Variants in TLL1 observed in about 807,000 individuals in gnomAD.
The protein encoded by TLL1 is tolloid like 1.
A neutral mutation model predicts 128.2 loss-of-function variants in TLL1; 49 were observed. That is an observed-to-expected ratio of 0.38 (90% confidence interval 0.30 to 0.48). The LOEUF is 0.48. TLL1 is among the 20% of genes least tolerant of loss of function. The pLI is 0.96. For synonymous variants in TLL1, 454 were observed against 418.8 expected, an observed-to-expected ratio of 1.08 and a Z score of -1.03; for missense variants, 1,123 against 1,242.0, an observed-to-expected ratio of 0.90 and a Z score of 1.44.
At chr4:165,939,186 A>G (rs1254482590) in intron 1 of TLL1, among the ~76,000 whole-genome samples, 1 of 151,628 alleles carries the variant, frequency 6.6e-6, no homozygotes, top group Non-Finnish European at 1.5e-5. Context: ...TTGATTGGTG[A>G]CCCTCAAGTT....
At chr4:165,912,164 G>T (rs1324015492) in intron 1 of TLL1, among the ~76,000 whole-genome samples, 2 of 152,128 alleles carry the variant, frequency 1.3e-5, no homozygotes, top group Admixed American at 1.3e-4. Flanking sequence ...ACATGGTGTT[G>T]TCCCTGGAGC....
At chr4:165,892,308 T>G (rs190557699) in intron 1 of TLL1, among the ~76,000 whole-genome samples, 2 of 152,342 alleles carry the variant, frequency 1.3e-5, no homozygotes, top group Admixed American at 1.3e-4. Context: ...AAATTTCCTC[T>G]AATAACTTTC....
chr4:166,030,008 A>C (rs148338714), intron 9 of TLL1, among the ~76,000 whole-genome samples: 1 of 152,216 alleles, frequency 6.6e-6, no homozygotes, highest in East Asian at 1.9e-4. Context: ...ATCTATCCAG[A>C]AGTGAGGTTG....
At chr4:165,977,245 G>A (rs112110149) in intron 1 of TLL1, among the ~76,000 whole-genome samples, 11,076 of 152,052 alleles carry the variant, frequency 0.073, 1,317 homozygotes, top group African/African-American at 0.25. Context: ...ATCATGGGGG[G>A]CAGTTTCCCC....
intron 1 of TLL1, among the ~76,000 whole-genome samples, chr4:165,948,275 G>C (rs1010684520): frequency 1.3e-5 from 2 of 152,068 alleles, no homozygotes; most frequent in Admixed American, 6.6e-5. Flanking sequence ...TAATTTCACA[G>C]GTCCACAGAT....
intron 3 of TLL1, among the ~76,000 whole-genome samples, chr4:165,993,498 A>G (rs1026123803): frequency 6.6e-6 from 1 of 151,870 alleles, no homozygotes; most frequent in Non-Finnish European, 1.5e-5. Context: ...TACTAATTAA[A>G]TGCTTGAAGT....
intron 16 of TLL1, among the ~76,000 whole-genome samples, chr4:166,068,215 A>G (rs1740660889): frequency 6.6e-6 from 1 of 151,794 alleles, no homozygotes; most frequent in Admixed American, 6.6e-5. Flanking sequence ...TTTGCCCAGG[A>G]AAAGGGAAGG....
chr4:165,877,697 C>T (rs1730776971), intron 1 of TLL1, among the ~76,000 whole-genome samples: 1 of 152,082 alleles, frequency 6.6e-6, no homozygotes, highest in East Asian at 1.9e-4. Context: ...ACATACCCTT[C>T]CTTCTCTTCT....
At chr4:166,063,551 T>C (rs949670411) in intron 15 of TLL1, among the ~76,000 whole-genome samples, 8 of 152,330 alleles carry the variant, frequency 5.3e-5, no homozygotes, top group East Asian at 1.9e-4. Context: ...CGTATGTTTA[T>C]TGTGGCACTA....
At chr4:165,963,436 C>A (rs1735214801) in intron 1 of TLL1, among the ~76,000 whole-genome samples, 1 of 152,076 alleles carries the variant, frequency 6.6e-6, no homozygotes, top group Non-Finnish European at 1.5e-5. Context: ...ATTATAGTTT[C>A]TTTTCATGAT....
chr4:165,918,490 C>A (rs1561027920), intron 1 of TLL1, among the ~76,000 whole-genome samples: 1 of 151,906 alleles, frequency 6.6e-6, no homozygotes, highest in African/African-American at 2.4e-5. Flanking sequence ...TGTGAGGGGT[C>A]CTGAATATTC....
intron 1 of TLL1, among the ~76,000 whole-genome samples, chr4:165,909,761 AT>A (rs1225938057): frequency 3.3e-5 from 5 of 152,170 alleles, no homozygotes. Flanking sequence ...AAACATTTTT[AT>A]TTATGGGATT....
chr4:165,890,158 G>A (rs556273522), intron 1 of TLL1, among the ~76,000 whole-genome samples: 5 of 152,200 alleles, frequency 3.3e-5, no homozygotes, highest in Admixed American at 1.3e-4. Flanking sequence ...AGAACAGCAC[G>A]GAGGTAACTG....
intron 1 of TLL1, among the ~76,000 whole-genome samples, chr4:165,975,130 G>A (rs1345934005): frequency 6.6e-6 from 1 of 152,154 alleles, no homozygotes; most frequent in Non-Finnish European, 1.5e-5. Flanking sequence ...TTAGATGCTG[G>A]CTACCCACAG....
intron 8 of TLL1, among the ~76,000 whole-genome samples, chr4:166,023,625 A>C (rs1560818255): frequency 6.6e-6 from 1 of 152,238 alleles, no homozygotes; most frequent in Non-Finnish European, 1.5e-5. Context: ...CATTTATTGA[A>C]GAAAATTCAC....
chr4:166,003,321 A>G lies in TLL1; in HGVS notation c.633-70A>G, dbSNP rs190157285. The G allele has an allele frequency of 5.6e-3, 8,572 of 1,542,804 alleles. 40 individuals are homozygous for G. Among genetic ancestry groups the G allele is most frequent in the Middle Eastern group, 0.014 (83 of 5,798 alleles). On this transcript the variant is annotated intron_variant, in intron 5 of 20. Transcript: ENST00000061240. Reference sequence around the variant, plus strand: ...ATAGCTCATCACTATTCTTTACAAAAAATTCACCATATTGTCAGTTGTCCA... The same window carrying G: ...ATAGCTCATCACTATTCTTTACAAAGAATTCACCATATTGTCAGTTGTCCA...
At position 166,100,930 on chromosome 4, in the gene TLL1, A is replaced by T; in HGVS notation, c.*54A>T. On this transcript the variant is annotated 3_prime_UTR_variant, in exon 21 of 21. Transcript: ENST00000061240. ...AATGTGCATAATGGAGAGAAGACATATTTTTTTTAAAACTGAAGATATTGG... is the reference window on the plus strand; with the variant it reads ...AATGTGCATAATGGAGAGAAGACATTTTTTTTTTAAAACTGAAGATATTGG... 2.5e-6 allele frequency: 4 copies of T among 1,597,830 alleles called. No homozygotes were observed. Among genetic ancestry groups the T allele is most frequent in the East Asian group, 2.3e-5 (1 of 43,958 alleles).
intron 1 of TLL1, among the ~76,000 whole-genome samples, chr4:165,948,375 G>T (rs1228747796): frequency 6.6e-6 from 1 of 152,112 alleles, no homozygotes; most frequent in Non-Finnish European, 1.5e-5. Flanking sequence ...GAGCAAATGA[G>T]ATTTAAATGA....
At chr4:166,099,125 T>C (rs1387725972) in intron 19 of TLL1, 152 bp from the exon 20 acceptor site, 14 of 1,252,624 alleles carry the variant, frequency 1.1e-5, no homozygotes, top group Non-Finnish European at 1.6e-5. Context: ...CATGACACTA[T>C]CTGACTCTCC....
Sources: gnomAD v4.1 joint callset for allele counts (sites outside exome capture counted in the v4.1 genomes callset) on GRCh38, gnomAD v4.1.1 for gene constraint, MANE v1.5 for transcripts, NCBI Gene and HGNC (gene_info 2026-07-23, HGNC 2026-07-21) for gene names.